CACNA1A: variants seen among roughly 807,000 people sequenced by gnomAD.
CACNA1A encodes voltage-dependent P/Q-type calcium channel subunit alpha-1A.
CACNA1A carries 57 observed loss-of-function variants against 262.4 expected under a neutral mutation model. The observed-to-expected ratio is 0.22, with a 90% CI of 0.18 to 0.27. The LOEUF (loss-of-function observed/expected upper bound fraction) is 0.27. Among genes scored for constraint, CACNA1A ranks in the 10% least tolerant of loss-of-function variants. The pLI is 1.00. For missense variants in CACNA1A, 2,526 were observed against 3,562.8 expected (o/e 0.71, Z 7.41); for synonymous variants, 1,431 against 1,419.3 (o/e 1.01, Z -0.18).
intron 1 of CACNA1A, among the ~76,000 whole-genome samples, chr19:13,458,318 TG>T (rs1389318175): frequency 6.6e-6 from 1 of 151,634 alleles, no homozygotes; most frequent in Non-Finnish European, 1.5e-5. Flanking sequence ...CAACACCATG[TG>T]TGCCTAATTT....
In CACNA1A at chr19:13,224,794, C is replaced by T. The variant is rs553597028; in HGVS notation, c.5626-22G>A. The T allele has an allele frequency of 1.9e-5, 29 of 1,567,030 alleles. No homozygotes were observed. In the South Asian group the frequency reaches 2.4e-4, roughly 13 times the overall value. On this transcript the variant is annotated intron_variant, in intron 37 of 46. Transcript: ENST00000360228. ...GCCGCTACAGAAAACCCAAGGCAAG[C>T]GCAGTCATTCCCAGGCATCCCTCCT...
intron 5 of CACNA1A, 169 bp downstream of exon 5, chr19:13,365,148 C>A (rs924486300): frequency 1.7e-5 from 9 of 524,502 alleles, no homozygotes; most frequent in African/African-American, 7.6e-5. Flanking sequence ...CCCCTTTCAA[C>A]AGCTAAGATC....
At chr19:13,392,948 A>AT (rs1385831829) in intron 3 of CACNA1A, among the ~76,000 whole-genome samples, 1 of 152,088 alleles carries the variant, frequency 6.6e-6, no homozygotes, top group African/African-American at 2.4e-5. Flanking sequence ...GGGTTTTGCC[A>AT]TGTTGGCCAG....
At chr19:13,476,093 C>A (rs1415183903) in intron 1 of CACNA1A, among the ~76,000 whole-genome samples, 1 of 152,222 alleles carries the variant, frequency 6.6e-6, no homozygotes, top group Non-Finnish European at 1.5e-5. Context: ...GTTGGTGCAA[C>A]AGCAGCTCAG....
At chr19:13,216,685 A>G (rs968356610) in intron 38 of CACNA1A, among the ~76,000 whole-genome samples, 11 of 141,988 alleles carry the variant, frequency 7.7e-5, no homozygotes, top group Admixed American at 2.2e-4. Flanking sequence ...CTATCTATCT[A>G]TCTATCTATC....
intron 20 of CACNA1A, among the ~76,000 whole-genome samples, chr19:13,285,750 G>C (rs930866739): frequency 6.6e-6 from 1 of 152,012 alleles, no homozygotes; most frequent in African/African-American, 2.4e-5. Flanking sequence ...CCATTCTGCA[G>C]CCCAGCCTGC....
intron 1 of CACNA1A, among the ~76,000 whole-genome samples, chr19:13,486,700 T>C (rs1037410001): frequency 4.7e-5 from 7 of 148,578 alleles, no homozygotes. Flanking sequence ...CTGTCTCTCT[T>C]TCTCTACCTC....
In CACNA1A at chr19:13,500,638, A is replaced by C. The variant is rs1178471873; in HGVS notation, c.293+5294T>G. Among the ~76,000 whole-genome samples, 6 of 152,306 alleles carry C rather than the reference A, an allele frequency of 3.9e-5. No individual in the cohort carries two copies. The South Asian group carries it at 8.3e-4, about 21-fold the overall frequency. On this transcript the variant is annotated intron_variant, in intron 1 of 46. Transcript: ENST00000360228. ...GAAAACAGTTTGAGAGCCTCTTATA[A>C]AATTAAACATACACCTACCACACAA... is the stretch of plus-strand genomic sequence containing the variant.
chr19:13,503,032 G>A (rs2145179987), intron 1 of CACNA1A, among the ~76,000 whole-genome samples: 1 of 152,196 alleles, frequency 6.6e-6, no homozygotes. Flanking sequence ...TAGCAGGGGC[G>A]ATTCCACTCC....
In CACNA1A at chr19:13,207,919, C is replaced by T. The variant is rs2054627904; in HGVS notation, c.6915G>A (p.Lys2305=). The T allele has an allele frequency of 6.2e-6, 9 of 1,457,950 alleles. No individual in the cohort carries two copies. The South Asian group carries it at 1.2e-4, about 20-fold the overall frequency. The allele number at this position is 1,457,950 out of a possible 1,614,324, so 90.3% of individuals were successfully genotyped here. ...PHVSYSPVIR[K]AGGSGPPQQQ... The stretch of plus-strand genomic sequence containing the variant: ...GCTGCGGGGGCCCCGAGCCGCCGGC[C>T]TTACGGATCACAGGGGAATAGGACA... Residue 2305 remains lysine, a synonymous_variant, in exon 47 of 47, where the codon AAG becomes AAA. Transcript: ENST00000360228. This position sits in a 1 kb window ranked among gnomAD's most constrained non-coding sequence, Gnocchi z 5.7.
chr19:13,371,017 G>A (rs1455815567), intron 4 of CACNA1A: 4 of 152,096 alleles, frequency 2.6e-5, no homozygotes, highest in Non-Finnish European at 4.4e-5. Flanking sequence ...CTTAAACGGG[G>A]ACTAGATGTA....
At chr19:13,307,742 C>T in intron 15 of CACNA1A, 40 bp downstream of exon 15, 1 of 1,562,770 alleles carries the variant, frequency 6.4e-7, no homozygotes, top group Non-Finnish European at 8.8e-7. Context: ...ATCTGTGACA[C>T]TGAGAGGTGT....
chr19:13,266,942 G>A (rs1271543598), intron 24 of CACNA1A, among the ~76,000 whole-genome samples: 3 of 152,178 alleles, frequency 2.0e-5, no homozygotes, highest in Non-Finnish European at 4.4e-5. Context: ...TGCCCCTTCT[G>A]TTCTCTGCAA....
In CACNA1A at chr19:13,235,260, G is replaced by A. The variant is rs1265075135; in HGVS notation, c.5082C>T (p.Val1694=). The stretch of plus-strand genomic sequence containing the variant: ...AGAAGAGCATGGCGATCAGCAGACA[G>A]ACATAAGGCAGGGCCTGGTGGGAAA... ...FVQSFKALPY[V]CLLIAMLFFI... The change falls in exon 33 of 47, where the codon GTC becomes GTT. Residue 1694 remains valine, a synonymous_variant. Transcript: ENST00000360228. The A allele has an allele frequency of 6.3e-7, 1 of 1,595,950 alleles. No homozygotes were observed. The highest frequency in any genetic ancestry group is 8.5e-7 in the Non-Finnish European group (1 of 1,171,424).
chr19:13,370,167 T>C (rs62111192), intron 4 of CACNA1A, among the ~76,000 whole-genome samples: 27,143 of 149,414 alleles, frequency 0.18, 4,119 homozygotes, highest in East Asian at 0.45. Flanking sequence ...GTGGCGTGAT[T>C]TCAGCTCACT....
At chr19:13,492,491 A>C (rs1254844188) in intron 1 of CACNA1A, among the ~76,000 whole-genome samples, 1 of 152,178 alleles carries the variant, frequency 6.6e-6, no homozygotes, top group Non-Finnish European at 1.5e-5. Context: ...AACCTGGCCC[A>C]AAAGCCTGAC....
intron 3 of CACNA1A, among the ~76,000 whole-genome samples, chr19:13,426,240 C>T (rs534294456): frequency 6.6e-5 from 10 of 152,266 alleles, no homozygotes; most frequent in African/African-American, 2.4e-4. Context: ...AAAAATTCTT[C>T]GCATATTATG....
At chr19:13,215,644 GTCTC>G (rs775201163) in intron 38 of CACNA1A, among the ~76,000 whole-genome samples, 14 of 144,860 alleles carry the variant, frequency 9.7e-5, no homozygotes, top group Non-Finnish European at 1.7e-4. Context: ...TTTTGACAGA[GTCTC>G]TCTCTGTTCC....
At chr19:13,310,515 T>TATAGAG (rs1555760547) in intron 12 of CACNA1A, among the ~76,000 whole-genome samples, 1 of 69,372 alleles carries the variant, frequency 1.4e-5, no homozygotes, top group Non-Finnish European at 2.6e-5. Context: ...TATATATATG[T>TATAGAG]AGAGAGAGAG....
Sources: allele counts gnomAD v4.1 joint callset (sites outside exome capture counted in the v4.1 genomes callset), GRCh38; gene constraint gnomAD v4.1.1; non-coding constraint Gnocchi (gnomAD v3.1); transcripts MANE v1.5; gene names NCBI Gene and HGNC (gene_info 2026-07-23, HGNC 2026-07-21).